GPR89A: variants seen among roughly 807,000 people sequenced by gnomAD.
The protein encoded by GPR89A is golgi pH regulator A, also known as G protein-coupled receptor 89A.
A neutral mutation model predicts 52.0 loss-of-function variants in GPR89A; 16 were observed. The observed-to-expected ratio is 0.31, with a 90% CI of 0.21 to 0.47. GPR89A has a LOEUF of 0.47. Ranked by LOEUF, GPR89A falls within the 20% of genes least tolerant of loss-of-function variation. The pLI, the probability that GPR89A is intolerant of heterozygous loss-of-function variation, is 1.00. For synonymous variants in GPR89A, 55 were observed against 150.9 expected (o/e 0.36, Z 4.66); for missense variants, 135 against 449.4 (o/e 0.30, Z 6.33).
rs782435539 is a variant in GPR89A, at chr1:145,665,550, T to A, written c.1006-12T>A. The A allele has an allele frequency of 1.2e-5, 13 of 1,042,722 alleles. No individual in the cohort carries two copies. The South Asian group carries it at 1.6e-4, about 13-fold the overall frequency. The allele number at this position is 1,042,722 out of a possible 1,614,324, so 64.6% of individuals were successfully genotyped here. A position where few individuals can be genotyped will look rare whatever the true frequency, so the allele number is the denominator to read the frequency against. On this transcript the variant is annotated splice_polypyrimidine_tract_variant and intron_variant, in intron 11 of 13. Transcript: ENST00000313835. ...GAGATTTAGCAGATATTTTTTCTTG[T>A]TATGGTGGCAGGTGAAGTTTTGGTC...
chr1:145,636,428 G>T (rs1371782989), intron 7 of GPR89A, among the ~76,000 whole-genome samples: 1 of 147,720 alleles, frequency 6.8e-6, no homozygotes, highest in Non-Finnish European at 1.5e-5. Flanking sequence ...AACAGTAGAG[G>T]GCCATAGTGA....
intron 7 of GPR89A, among the ~76,000 whole-genome samples, chr1:145,632,543 C>G (rs1649951314): frequency 6.6e-6 from 1 of 152,182 alleles, no homozygotes; most frequent in African/African-American, 2.4e-5. Flanking sequence ...ATAGTGCTCT[C>G]CAGTTACATT....
At chr1:145,649,395 C>T (rs1200298336) in intron 10 of GPR89A, among the ~76,000 whole-genome samples, 2 of 151,880 alleles carry the variant, frequency 1.3e-5, no homozygotes, top group African/African-American at 4.8e-5. Flanking sequence ...TAGAATCCTA[C>T]AGTATGTATC....
chr1:145,619,833 G>A (rs1377097419), intron 3 of GPR89A, among the ~76,000 whole-genome samples: 1 of 152,132 alleles, frequency 6.6e-6, no homozygotes, highest in African/African-American at 2.4e-5. Flanking sequence ...GGCTAACATG[G>A]TGAAACCCCG....
At chr1:145,668,289 C>T (rs200718658) in intron 12 of GPR89A, among the ~76,000 whole-genome samples, 4,764 of 148,748 alleles carry the variant, frequency 0.032, no homozygotes, top group African/African-American at 0.05. Flanking sequence ...TCCTTCACAT[C>T]CCTTGTAAAT....
At chr1:145,660,194 A>G (rs1323058249) in intron 10 of GPR89A, among the ~76,000 whole-genome samples, 31 of 152,200 alleles carry the variant, frequency 2.0e-4, no homozygotes, top group Non-Finnish European at 4.1e-4. Context: ...AAAAACAAGC[A>G]ATGGGGAAAG....
At chr1:145,654,562 A>AAAAG (rs1651687724) in intron 10 of GPR89A, among the ~76,000 whole-genome samples, 1 of 147,236 alleles carries the variant, frequency 6.8e-6, no homozygotes, top group African/African-American at 2.5e-5. Context: ...ACAAAAAAAA[A>AAAAG]AAAAAAAAAC....
At chr1:145,659,145 C>T (rs1652013221) in intron 10 of GPR89A, among the ~76,000 whole-genome samples, 1 of 151,812 alleles carries the variant, frequency 6.6e-6, no homozygotes, top group Non-Finnish European at 1.5e-5. Context: ...GGTAGAATTG[C>T]CGTGTCATAT....
At chr1:145,661,757 A>T (rs1281794640) in intron 10 of GPR89A, among the ~76,000 whole-genome samples, 3 of 149,154 alleles carry the variant, frequency 2.0e-5, no homozygotes, top group African/African-American at 7.4e-5. Flanking sequence ...TTGATTGGAG[A>T]TCTTTGCTGA....
chr1:145,662,636 A>G lies in GPR89A; in HGVS notation c.910-693A>G, dbSNP rs1298460513. Among the ~76,000 whole-genome samples the G allele has an allele frequency of 5.9e-5, 9 of 152,064 alleles. No homozygotes were observed. The East Asian group carries it at 1.7e-3, about 29-fold the overall frequency. On this transcript the variant is annotated intron_variant, in intron 10 of 13. Transcript: ENST00000313835. ...TAACCACTGCCTGCCTTTGGAAATA[A>G]AGTTTTATTGGAACGCAGCCAAGTC...
intron 1 of GPR89A, among the ~76,000 whole-genome samples, chr1:145,612,854 C>T (rs1648398764): frequency 6.6e-6 from 1 of 151,890 alleles, no homozygotes; most frequent in South Asian, 2.1e-4. Context: ...TTTCTCATTC[C>T]TGGCTCTCCC....
At chr1:145,647,863 C>G (rs1191148645) in intron 10 of GPR89A, among the ~76,000 whole-genome samples, 4 of 84,220 alleles carry the variant, frequency 4.7e-5, no homozygotes, top group Non-Finnish European at 9.3e-5. Flanking sequence ...CTCTCTCTCT[C>G]TCTCTCTCTC....
chr1:145,629,008 G>C (rs1649711344), intron 5 of GPR89A, among the ~76,000 whole-genome samples: 1 of 152,182 alleles, frequency 6.6e-6, no homozygotes, highest in Admixed American at 6.5e-5. Flanking sequence ...GATGGAACAA[G>C]ACTCTGAAAG....
At chr1:145,612,327 C>A (rs1208332593) in intron 1 of GPR89A, 1 of 152,178 alleles carries the variant, frequency 6.6e-6, no homozygotes, top group Non-Finnish European at 1.5e-5. Flanking sequence ...TACCTCCTTT[C>A]CTCCCATTTC....
chr1:145,646,435 A>G (rs1650996828), intron 9 of GPR89A, 163 bp downstream of exon 9: 3 of 566,642 alleles, frequency 5.3e-6, no homozygotes, highest in South Asian at 4.9e-5. Context: ...TCTTCATGAA[A>G]TTGCTCCTGT....
intron 12 of GPR89A, among the ~76,000 whole-genome samples, chr1:145,668,681 C>T (rs1464921673): frequency 5.3e-5 from 8 of 152,038 alleles, no homozygotes; most frequent in African/African-American, 1.9e-4. Flanking sequence ...CAGTTTTTGC[C>T]CATTCAGTAT....
chr1:145,612,248 G>C, intron 1 of GPR89A: 1 of 152,124 alleles, frequency 6.6e-6, no homozygotes, highest in Non-Finnish European at 1.5e-5. Context: ...AAGCCAAAAG[G>C]TATGATCTCC....
At chr1:145,612,958 AT>A in intron 1 of GPR89A, among the ~76,000 whole-genome samples, 1 of 152,042 alleles carries the variant, frequency 6.6e-6, no homozygotes, top group Non-Finnish European at 1.5e-5. Context: ...ACTATTCAAA[AT>A]TGTTTTCCTT....
intron 1 of GPR89A, among the ~76,000 whole-genome samples, chr1:145,609,247 C>T (rs34125742): frequency 3.3e-5 from 5 of 152,124 alleles, no homozygotes; most frequent in Non-Finnish European, 5.9e-5. Context: ...TCTTTGATTC[C>T]GTTTTTGTAT....
Sources: gnomAD v4.1 joint callset for allele counts (sites outside exome capture counted in the v4.1 genomes callset) on GRCh38, gnomAD v4.1.1 for gene constraint, MANE v1.5 for transcripts, NCBI Gene and HGNC (gene_info 2026-07-23, HGNC 2026-07-21) for gene names.